Variants in ITSN1 observed in about 807,000 individuals in gnomAD.
ITSN1 encodes intersectin 1.
Under a neutral mutation model 239.8 loss-of-function variants are expected in ITSN1, and 58 were observed. That is an observed-to-expected ratio of 0.24 (90% confidence interval 0.20 to 0.30). ITSN1 has a LOEUF of 0.30. Among genes scored for constraint, ITSN1 ranks in the 10% least tolerant of loss-of-function variants. ITSN1 has a pLI of 1.00. For missense variants in ITSN1, 1,558 were observed against 2,103.3 expected, an observed-to-expected ratio of 0.74 and a Z score of 5.07; for synonymous variants, 780 against 770.8, an observed-to-expected ratio of 1.01 and a Z score of -0.20.
chr21:33,688,430 A>T (rs2091352354), intron 1 of ITSN1, among the ~76,000 whole-genome samples: 2 of 152,226 alleles, frequency 1.3e-5, no homozygotes, highest in South Asian at 4.1e-4. Flanking sequence ...TGACCATTGA[A>T]GGTGGAAGGG....
chr21:33,704,923 T>TAAAAAAAAA (rs55966725), intron 1 of ITSN1, among the ~76,000 whole-genome samples: 15 of 93,660 alleles, frequency 1.6e-4, no homozygotes, highest in South Asian at 3.9e-4. Flanking sequence ...CCATCTCTAC[T>TAAAAAAAAA]AAAAAAAAAA....
chr21:33,730,281 TG>T (rs1249810420), intron 4 of ITSN1, among the ~76,000 whole-genome samples: 3 of 151,996 alleles, frequency 2.0e-5, no homozygotes, highest in Non-Finnish European at 2.9e-5. Context: ...CATTTATTTT[TG>T]TTGGAAAAAA....
chr21:33,840,846 T>C (rs1282575034), intron 29 of ITSN1, among the ~76,000 whole-genome samples: 1 of 152,232 alleles, frequency 6.6e-6, no homozygotes, highest in Non-Finnish European at 1.5e-5. Context: ...TAATTTCATA[T>C]TGGTCTGTGT....
intron 27 of ITSN1, among the ~76,000 whole-genome samples, chr21:33,829,984 C>G (rs1320509884): frequency 6.6e-6 from 1 of 152,186 alleles, no homozygotes; most frequent in East Asian, 1.9e-4. Flanking sequence ...TTCCTGAATT[C>G]AGATAGAGTC....
chr21:33,854,710 G>T (rs1316736044), intron 29 of ITSN1, among the ~76,000 whole-genome samples: 17 of 152,226 alleles, frequency 1.1e-4, no homozygotes, highest in Non-Finnish European at 2.5e-4. Context: ...GACAATCTAT[G>T]CCCTGAGGCA....
intron 34 of ITSN1, among the ~76,000 whole-genome samples, chr21:33,876,624 GGTGCC>G (rs751774021): frequency 5.3e-5 from 8 of 152,334 alleles, no homozygotes; most frequent in Non-Finnish European, 1.0e-4. Flanking sequence ...TTCCTGGCCA[GGTGCC>G]GTGACTCACG....
chr21:33,818,537 A>G (rs1602422226), intron 23 of ITSN1, 65 bp downstream of exon 23: 1 of 1,350,474 alleles, frequency 7.4e-7, no homozygotes, highest in East Asian at 2.3e-5. Flanking sequence ...TACTGTTTGC[A>G]CTAGTTAAGA....
intron 1 of ITSN1, among the ~76,000 whole-genome samples, chr21:33,660,253 A>G (rs1164543309): frequency 6.6e-6 from 1 of 152,192 alleles, no homozygotes; most frequent in Non-Finnish European, 1.5e-5. Flanking sequence ...TCCCACAATA[A>G]GATCTTTCCC....
chr21:33,854,465 C>T (rs914271324), intron 29 of ITSN1, among the ~76,000 whole-genome samples: 3 of 152,212 alleles, frequency 2.0e-5, no homozygotes, highest in Non-Finnish European at 4.4e-5. Flanking sequence ...GGCCCGGGCC[C>T]TTTCACTCAC....
intron 22 of ITSN1, chr21:33,817,461 A>G (rs894475333): frequency 1.5e-6 from 2 of 1,304,338 alleles, no homozygotes; most frequent in African/African-American, 3.0e-5. Context: ...CCCCAGGCAG[A>G]ATTCATCCCT....
intron 2 of ITSN1, among the ~76,000 whole-genome samples, chr21:33,719,909 A>G (rs2065381909): frequency 6.6e-6 from 1 of 152,230 alleles, no homozygotes; most frequent in African/African-American, 2.4e-5. Flanking sequence ...CTTATTAAAA[A>G]ATACTTATTA....
chr21:33,728,628 C>T (rs1162684547), intron 4 of ITSN1, among the ~76,000 whole-genome samples: 2 of 152,144 alleles, frequency 1.3e-5, no homozygotes, highest in Admixed American at 6.5e-5. Context: ...TTCCTCACAT[C>T]GCAGGTTCAT....
At chr21:33,690,775 G>GTATATATATATATA in intron 1 of ITSN1, among the ~76,000 whole-genome samples, 1 of 21,610 alleles carries the variant, frequency 4.6e-5, no homozygotes, top group Non-Finnish European at 9.4e-5. Flanking sequence ...AAAAAAAAGT[G>GTATATATATATATA]TATATATATA....
intron 1 of ITSN1, chr21:33,689,379 A>G (rs751321613): frequency 3.9e-5 from 6 of 152,326 alleles, no homozygotes; most frequent in East Asian, 1.9e-4. Context: ...GGAGCATTCT[A>G]AAAGGTAAAT....
intron 1 of ITSN1, among the ~76,000 whole-genome samples, chr21:33,698,044 T>C (rs1161428649): frequency 2.0e-5 from 3 of 152,172 alleles, no homozygotes; most frequent in East Asian, 3.8e-4. Context: ...CTGTCCCTTA[T>C]TTTTCACCTT....
intron 1 of ITSN1, among the ~76,000 whole-genome samples, chr21:33,714,037 A>C (rs1221351827): frequency 6.6e-6 from 1 of 151,900 alleles, no homozygotes; most frequent in Non-Finnish European, 1.5e-5. Flanking sequence ...TTACCGTGTT[A>C]GCCAGGATGG....
chr21:33,681,022 A>G (rs142808516), intron 1 of ITSN1, among the ~76,000 whole-genome samples: 204 of 152,350 alleles, frequency 1.3e-3, no homozygotes, highest in Non-Finnish European at 2.2e-3. Flanking sequence ...GCTTCATGCC[A>G]TGGTAGAACC....
chr21:33,696,831 A>T (rs1372229175), intron 1 of ITSN1, among the ~76,000 whole-genome samples: 1 of 151,904 alleles, frequency 6.6e-6, no homozygotes, highest in Non-Finnish European at 1.5e-5. Context: ...ACCTTTAACC[A>T]CTGTTCGTGC....
intron 29 of ITSN1, among the ~76,000 whole-genome samples, chr21:33,855,368 C>G (rs1378591893): frequency 6.6e-6 from 1 of 152,228 alleles, no homozygotes; most frequent in Non-Finnish European, 1.5e-5. Context: ...TGGTCCCCAG[C>G]AGGGGGTTTT....
Sources: allele counts gnomAD v4.1 joint callset (sites outside exome capture counted in the v4.1 genomes callset), GRCh38; gene constraint gnomAD v4.1.1; transcripts MANE v1.5; gene names NCBI Gene and HGNC (gene_info 2026-07-23, HGNC 2026-07-21).